Variants in PTPN20 observed in about 807,000 individuals in gnomAD.
PTPN20 encodes tyrosine-protein phosphatase non-receptor type 20.
A neutral mutation model predicts 35.0 loss-of-function variants in PTPN20; 9 were observed. That is an observed-to-expected ratio of 0.26 (90% CI 0.15 to 0.45). PTPN20 has a LOEUF of 0.45. Among genes scored for constraint, PTPN20 ranks in the 20% least tolerant of loss-of-function variants. PTPN20 has a pLI of 1.00. For missense variants in PTPN20, 111 were observed against 312.5 expected (o/e 0.36, Z 4.86); for synonymous variants, 32 against 100.2 (o/e 0.32, Z 4.06).
At chr10:46,944,914 A>G (rs2044257346) in intron 4 of PTPN20, among the ~76,000 whole-genome samples, 1 of 146,686 alleles carries the variant, frequency 6.8e-6, no homozygotes, top group East Asian at 2.0e-4. Flanking sequence ...AAGATTGACT[A>G]TGCATGAGGG....
chr10:46,924,014 G>A (rs2036319636), intron 1 of PTPN20, among the ~76,000 whole-genome samples: 2 of 152,074 alleles, frequency 1.3e-5, no homozygotes, highest in East Asian at 1.9e-4. Context: ...TTATAGAAAA[G>A]GAATTGACTT....
intron 5 of PTPN20, among the ~76,000 whole-genome samples, chr10:46,951,301 G>A (rs1287214233): frequency 2.4e-4 from 37 of 152,000 alleles, no homozygotes; most frequent in Non-Finnish European, 4.9e-4. Flanking sequence ...CTAGGATCAA[G>A]TATCTTAATA....
In PTPN20 at chr10:46,954,074, G is replaced by A. The variant is rs1225932506; in HGVS notation, c.340+7399G>A. On this transcript the variant is annotated intron_variant, in intron 5 of 10. Coordinates refer to ENST00000374339, the MANE Select transcript of PTPN20 (RefSeq NM_001042357.5). The stretch of plus-strand genomic sequence containing the variant: ...GTGAGGTTTCTAAATACATATTTGT[G>A]TTAGTTTTTAGTTTTTTTTTTTTTT... 3.6e-4 allele frequency among the ~76,000 whole-genome samples: 29 copies of A among 81,314 alleles called. 4 individuals carry two copies. The highest frequency in any genetic ancestry group is 1.6e-3 in the African/African-American group (26 of 16,696). 53.3% of individuals were successfully genotyped at this position (81,314 alleles called of 152,430 possible).
intron 7 of PTPN20, among the ~76,000 whole-genome samples, chr10:46,983,779 A>AT (rs199732998): frequency 1.2e-4 from 16 of 138,180 alleles, no homozygotes; most frequent in South Asian, 9.3e-4. Flanking sequence ...CAACTATCAG[A>AT]TTTTTTTTTT....
chr10:47,000,428 T>A (rs1555184677), intron 10 of PTPN20, among the ~76,000 whole-genome samples: 1 of 152,104 alleles, frequency 6.6e-6, no homozygotes, highest in African/African-American at 2.4e-5. Context: ...ATATGGATAA[T>A]GATAAAAAAA....
intron 10 of PTPN20, 31 bp from the exon 11 acceptor site, chr10:47,000,644 CA>C: frequency 6.2e-7 from 1 of 1,608,946 alleles, no homozygotes. Flanking sequence ...AATTACTTAA[CA>C]TTCTGTTGTT....
intron 4 of PTPN20, among the ~76,000 whole-genome samples, chr10:46,944,975 A>T (rs1216644644): frequency 1.4e-5 from 2 of 143,524 alleles, no homozygotes; most frequent in African/African-American, 5.7e-5. Context: ...TGAATTTAGG[A>T]TTTAATTAAA....
chr10:46,953,347 C>A (rs2047327894), intron 5 of PTPN20, among the ~76,000 whole-genome samples: 2 of 109,188 alleles, frequency 1.8e-5, no homozygotes, highest in Admixed American at 8.4e-5. Flanking sequence ...TTCTTTCTTT[C>A]TTTCTTTCTT....
At chr10:46,993,353 A>G (rs1176429754) in intron 9 of PTPN20, among the ~76,000 whole-genome samples, 3 of 152,196 alleles carry the variant, frequency 2.0e-5, no homozygotes, top group Admixed American at 6.5e-5. Context: ...TTAGGTCACC[A>G]GGAGATCCAC....
intron 3 of PTPN20, among the ~76,000 whole-genome samples, chr10:46,941,479 G>A (rs1258841304): frequency 7.8e-6 from 1 of 127,756 alleles, no homozygotes; most frequent in African/African-American, 3.4e-5. Context: ...CTTTGGCTGG[G>A]AATCTCTGGC....
intron 1 of PTPN20, among the ~76,000 whole-genome samples, chr10:46,928,232 C>G (rs1489202149): frequency 6.6e-6 from 1 of 152,064 alleles, no homozygotes; most frequent in African/African-American, 2.4e-5. Context: ...TGAATGCTCA[C>G]AGTAATCTTT....
At chr10:46,941,693 T>G in intron 3 of PTPN20, among the ~76,000 whole-genome samples, 1 of 145,794 alleles carries the variant, frequency 6.9e-6, no homozygotes, top group Non-Finnish European at 1.5e-5. Context: ...TACTTTGGGT[T>G]TTTTTTTGCT....
chr10:46,983,231 C>A (rs1381847750), intron 7 of PTPN20, among the ~76,000 whole-genome samples: 2 of 151,948 alleles, frequency 1.3e-5, no homozygotes, highest in African/African-American at 4.8e-5. Flanking sequence ...TGTGAGCCAC[C>A]GCGCCTGGCT....
At chr10:46,938,138 A>G (rs1401697763) in intron 2 of PTPN20, among the ~76,000 whole-genome samples, 2 of 150,886 alleles carry the variant, frequency 1.3e-5, no homozygotes, top group Non-Finnish European at 2.9e-5. Flanking sequence ...TTTAGTAGAG[A>G]TGGGGTTTCA....
intron 1 of PTPN20, among the ~76,000 whole-genome samples, chr10:46,928,625 G>T (rs2038522319): frequency 6.6e-6 from 1 of 151,546 alleles, no homozygotes; most frequent in African/African-American, 2.4e-5. Flanking sequence ...GATTGATTAA[G>T]AAACCACGGA....
chr10:46,981,127 A>G (rs1252194639), intron 7 of PTPN20, among the ~76,000 whole-genome samples: 1 of 149,944 alleles, frequency 6.7e-6, no homozygotes, highest in Non-Finnish European at 1.5e-5. Context: ...GGTCTGGGGA[A>G]GAGGCACGTG....
chr10:46,998,472 C>T (rs2059533155), intron 9 of PTPN20, among the ~76,000 whole-genome samples: 1 of 152,072 alleles, frequency 6.6e-6, no homozygotes, highest in African/African-American at 2.4e-5. Flanking sequence ...TTACTATTTT[C>T]CAAGGGTTAG....
intron 5 of PTPN20, among the ~76,000 whole-genome samples, chr10:46,948,768 G>A (rs1461343479): frequency 2.0e-4 from 30 of 151,514 alleles, no homozygotes; most frequent in African/African-American, 6.3e-4. Flanking sequence ...GGGAGGGAGG[G>A]CCAAGTCATT....
chr10:46,971,809 A>T (rs1178300233), intron 7 of PTPN20, among the ~76,000 whole-genome samples: 3 of 75,962 alleles, frequency 3.9e-5, no homozygotes, highest in Non-Finnish European at 7.4e-5. Flanking sequence ...AACAGAGAAG[A>T]TGATAATATC....
Sources: gnomAD v4.1 joint callset for allele counts (sites outside exome capture counted in the v4.1 genomes callset) on GRCh38, gnomAD v4.1.1 for gene constraint, MANE v1.5 for transcripts, NCBI Gene and HGNC (gene_info 2026-07-23, HGNC 2026-07-21) for gene names.